Variants in DPP10 observed in about 807,000 individuals in gnomAD.
The protein encoded by DPP10 is dipeptidyl peptidase like 10, also known as inactive dipeptidyl peptidase 10.
DPP10 carries 33 observed loss-of-function variants against 120.9 expected under a neutral mutation model. The observed-to-expected ratio is 0.27, with a 90% CI of 0.21 to 0.37. The LOEUF (loss-of-function observed/expected upper bound fraction) is 0.37. Ranked by LOEUF, DPP10 falls within the 10% of genes least tolerant of loss-of-function variation. DPP10 has a pLI of 1.00. For missense variants in DPP10, 816 were observed against 942.8 expected, an observed-to-expected ratio of 0.87 and a Z score of 1.76; for synonymous variants, 337 against 326.1, an observed-to-expected ratio of 1.03 and a Z score of -0.36.
intron 1 of DPP10, among the ~76,000 whole-genome samples, chr2:114,473,148 G>T (rs767235769): frequency 2.0e-5 from 3 of 152,074 alleles, no homozygotes; most frequent in Non-Finnish European, 4.4e-5. Context: ...GCATCTACTA[G>T]AATTCACTAC....
At chr2:114,706,814 T>G (rs2105843497) in intron 1 of DPP10, among the ~76,000 whole-genome samples, 1 of 152,262 alleles carries the variant, frequency 6.6e-6, no homozygotes, top group African/African-American at 2.4e-5. Flanking sequence ...GGAGCAGAGT[T>G]TCTAGGCACA....
chr2:114,570,553 T>C (rs1048660522), intron 1 of DPP10, among the ~76,000 whole-genome samples: 1 of 151,914 alleles, frequency 6.6e-6, no homozygotes, highest in Middle Eastern at 3.2e-3. Context: ...TGGCCGGGCA[T>C]GGTGGCTCAC....
At chr2:115,206,220 A>T (rs1308298591) in intron 1 of DPP10, among the ~76,000 whole-genome samples, 1 of 152,142 alleles carries the variant, frequency 6.6e-6, no homozygotes, top group Non-Finnish European at 1.5e-5. Context: ...TCGTCAGGTG[A>T]CTGGGCTGCT....
intron 1 of DPP10, among the ~76,000 whole-genome samples, chr2:115,189,182 G>C (rs527339921): frequency 2.0e-5 from 3 of 152,196 alleles, no homozygotes; most frequent in Non-Finnish European, 4.4e-5. Context: ...AACAAGGGAG[G>C]GGAAGGCGTT....
intron 4 of DPP10, among the ~76,000 whole-genome samples, chr2:115,524,626 C>G (rs891753859): frequency 6.6e-6 from 1 of 152,084 alleles, no homozygotes; most frequent in African/African-American, 2.4e-5. Flanking sequence ...TCTCTCCTAC[C>G]AGATCTTAGA....
chr2:114,668,540 G>A (rs1698103506), intron 1 of DPP10, among the ~76,000 whole-genome samples: 1 of 152,092 alleles, frequency 6.6e-6, no homozygotes, highest in African/African-American at 2.4e-5. Context: ...TATCTGAGCA[G>A]CCTTAGCCCA....
At chr2:115,571,922 C>G (rs1400981693) in intron 5 of DPP10, among the ~76,000 whole-genome samples, 1 of 151,984 alleles carries the variant, frequency 6.6e-6, no homozygotes, top group Non-Finnish European at 1.5e-5. Flanking sequence ...AACCATTTCA[C>G]TTTTCCAAAC....
At chr2:115,407,459 C>T (rs1200831437) in intron 3 of DPP10, among the ~76,000 whole-genome samples, 1 of 152,172 alleles carries the variant, frequency 6.6e-6, no homozygotes, top group Non-Finnish European at 1.5e-5. Context: ...AGATCTCCCT[C>T]AGAGGCCAAT....
At chr2:115,329,967 T>A (rs1349830729) in intron 2 of DPP10, among the ~76,000 whole-genome samples, 4 of 152,196 alleles carry the variant, frequency 2.6e-5, no homozygotes, top group Non-Finnish European at 4.4e-5. Context: ...ATGGGATCAC[T>A]GGGTCAAATG....
intron 1 of DPP10, among the ~76,000 whole-genome samples, chr2:114,814,867 A>G (rs906256562): frequency 2.0e-5 from 3 of 152,186 alleles, no homozygotes; most frequent in Non-Finnish European, 4.4e-5. Flanking sequence ...GTTGCTGTCC[A>G]GCTGAAGATT....
At chr2:114,869,349 C>A (rs1417549823) in intron 1 of DPP10, among the ~76,000 whole-genome samples, 1 of 152,080 alleles carries the variant, frequency 6.6e-6, no homozygotes, top group Non-Finnish European at 1.5e-5. Context: ...GCACTGGCTC[C>A]CAGCTTGTCT....
At chr2:115,572,404 A>G (rs2081388119) in intron 5 of DPP10, among the ~76,000 whole-genome samples, 2 of 152,228 alleles carry the variant, frequency 1.3e-5, no homozygotes, top group Non-Finnish European at 2.9e-5. Flanking sequence ...ATGGCCTGCC[A>G]AACTGATAGT....
chr2:115,673,938 A>G (rs1042369272), intron 5 of DPP10, among the ~76,000 whole-genome samples: 5 of 152,162 alleles, frequency 3.3e-5, no homozygotes, highest in African/African-American at 4.8e-5. Context: ...GTGGCCAGGC[A>G]TGGTGGCTGA....
intron 1 of DPP10, among the ~76,000 whole-genome samples, chr2:114,650,706 G>A (rs1038672247): frequency 1.3e-5 from 2 of 152,126 alleles, no homozygotes; most frequent in African/African-American, 4.8e-5. Flanking sequence ...TCTTGGAATT[G>A]AATTGGAATT....
chr2:115,245,805 A>G (rs1017166131), intron 1 of DPP10, among the ~76,000 whole-genome samples: 2 of 152,172 alleles, frequency 1.3e-5, no homozygotes, highest in Admixed American at 6.6e-5. Flanking sequence ...TAAGTCAGCA[A>G]TAAAATTAAT....
chr2:114,572,779 A>G (rs1282026634), intron 1 of DPP10, among the ~76,000 whole-genome samples: 1 of 152,190 alleles, frequency 6.6e-6, no homozygotes, highest in Admixed American at 6.5e-5. Context: ...GTCCATGGGG[A>G]TGACACTGTT....
At chr2:114,922,823 T>G (rs1022864881) in intron 1 of DPP10, among the ~76,000 whole-genome samples, 1 of 152,252 alleles carries the variant, frequency 6.6e-6, no homozygotes. Flanking sequence ...CTTCTACGTT[T>G]TGGCTACTAT....
At chr2:114,532,079 T>A (rs1345044163) in intron 1 of DPP10, among the ~76,000 whole-genome samples, 1 of 151,442 alleles carries the variant, frequency 6.6e-6, no homozygotes, top group African/African-American at 2.4e-5. Flanking sequence ...GTGCTCCCAG[T>A]TCTCAGGTTT....
At chr2:114,814,682 T>G (rs1388697177) in intron 1 of DPP10, among the ~76,000 whole-genome samples, 1 of 152,156 alleles carries the variant, frequency 6.6e-6, no homozygotes, top group Non-Finnish European at 1.5e-5. Flanking sequence ...ATCACATCTC[T>G]TATTTTAGAA....
Sources: gnomAD v4.1 joint callset for allele counts (sites outside exome capture counted in the v4.1 genomes callset) on GRCh38, gnomAD v4.1.1 for gene constraint, MANE v1.5 for transcripts, NCBI Gene and HGNC (gene_info 2026-07-23, HGNC 2026-07-21) for gene names.